TCEANC: variants seen among roughly 807,000 people sequenced by gnomAD.
TCEANC encodes transcription elongation factor A N-terminal and central domain containing.
Under a neutral mutation model 8.7 loss-of-function variants are expected in TCEANC, and 8 were observed. The observed-to-expected ratio is 0.92, with a 90% CI of 0.54 to 1.65. The LOEUF (loss-of-function observed/expected upper bound fraction) is 1.65. Ranked by LOEUF, TCEANC falls within the 40% of genes most tolerant of loss-of-function variation. The pLI is 0.00. For missense variants in TCEANC, 255 were observed against 251.9 expected, an observed-to-expected ratio of 1.01 and a Z score of -0.08; for synonymous variants, 78 against 92.9, an observed-to-expected ratio of 0.84 and a Z score of 0.92.
exon 2 of TCEANC, chrX:13,665,338 TG>T (rs1459931517): frequency 1.6e-5 from 2 of 123,891 alleles, no homozygotes; most frequent in African/African-American, 6.5e-5. Context: ...TGTGTGTATG[TG>T]TGTAGTTTTT....
At chrX:13,659,882 C>T (rs1485915197) in intron 1 of TCEANC, 114 bp downstream of exon 3, 1 of 112,065 alleles carries the variant, frequency 8.9e-6, no homozygotes, top group Non-Finnish European at 1.9e-5. Flanking sequence ...ACCTTGGCCT[C>T]CCAAAGTGCT....
chrX:13,657,245 T>G (rs898854144), intron 1 of TCEANC, among the ~76,000 whole-genome samples: 10 of 112,014 alleles, frequency 8.9e-5, no homozygotes, highest in Non-Finnish European at 1.9e-4. Flanking sequence ...AAACGAGAGA[T>G]GTGGAGACCG....
Position 13,657,292 on chromosome X carries a change from G to A in TCEANC, c.-9+1919G>A, listed in dbSNP as rs370216695. Among the ~76,000 whole-genome samples, 9 of 111,982 alleles carry A rather than the reference G, an allele frequency of 8.0e-5. No individual in the cohort carries two copies. In the East Asian group the frequency reaches 1.1e-3, roughly 14 times the overall value. ...ATTTTCTTCAAACTTAGGAGAAACT[G>A]GAAGGCCCCAAATAGGAGAATGATT... is the stretch of plus-strand genomic sequence containing the variant. On this transcript the variant is annotated intron_variant, in intron 1 of 1. Coordinates refer to ENST00000380600, the Ensembl canonical transcript of TCEANC.
chrX:13,663,925 A>G (rs2045993568), exon 2 of TCEANC: 1 of 151,902 alleles, frequency 6.6e-6, no homozygotes, highest in Admixed American at 8.6e-5. Context: ...GGATAGTTTG[A>G]GAAGTGCTAC....
chrX:13,656,053 C>T (rs775386373), intron 1 of TCEANC, among the ~76,000 whole-genome samples: 1 of 112,728 alleles, frequency 8.9e-6, no homozygotes, highest in Non-Finnish European at 1.9e-5. Flanking sequence ...GTGCCAGACT[C>T]ACAGTTGGGC....
chrX:13,662,792 T>C, exon 2 of TCEANC: 2 of 1,211,188 alleles, frequency 1.7e-6, no homozygotes, highest in African/African-American at 3.5e-5. Flanking sequence ...TTATTTCCTG[T>C]GAGGGGTAAT....
At chrX:13,654,821 G>A (rs2045911400), upstream of TCEANC, among the ~76,000 whole-genome samples, 1 of 93,685 alleles carries the variant, frequency 1.1e-5, no homozygotes, top group African/African-American at 3.8e-5. Context: ...CCCACAGTGG[G>A]CACCATGGTT....
upstream of TCEANC, among the ~76,000 whole-genome samples, chrX:13,654,940 G>A (rs907885590): frequency 6.3e-5 from 7 of 110,786 alleles, no homozygotes; most frequent in South Asian, 3.7e-4. Flanking sequence ...GGTCTCCTAC[G>A]AAAGAAGCCA....
upstream of TCEANC, among the ~76,000 whole-genome samples, chrX:13,654,808 T>C (rs747883217): frequency 1.9e-5 from 2 of 105,971 alleles, no homozygotes; most frequent in East Asian, 6.1e-4. Context: ...CCCACTTCAT[T>C]AGCCCACAGT....
At chrX:13,662,301 CGTA>C (rs1733189132) in intron 1 of TCEANC, among the ~76,000 whole-genome samples, 197 bp from the exon 5 acceptor site, 1 of 112,030 alleles carries the variant, frequency 8.9e-6, no homozygotes, top group African/African-American at 3.2e-5. Context: ...GTTTTTCACT[CGTA>C]GGAATTAAAC....
chrX:13,653,853 C>T (rs1177511616), upstream of TCEANC, among the ~76,000 whole-genome samples: 1 of 111,808 alleles, frequency 8.9e-6, no homozygotes, highest in Non-Finnish European at 1.9e-5. Flanking sequence ...ATAATATTAG[C>T]TAATCTTTAT....
chrX:13,659,030 T>G (rs139692514), intron 1 of TCEANC, among the ~76,000 whole-genome samples: 4,424 of 112,146 alleles, frequency 0.039, 206 homozygotes, highest in African/African-American at 0.14. Flanking sequence ...AGAATCAAAC[T>G]CTTAATAAAC....
At chrX:13,659,009 A>T (rs778989279) in intron 1 of TCEANC, among the ~76,000 whole-genome samples, 67 of 112,569 alleles carry the variant, frequency 6.0e-4, no homozygotes, top group African/African-American at 2.1e-3. Context: ...ACAGTAAAAG[A>T]GGTCTTCCTA....
chrX:13,661,065 C>T (rs1323662875), intron 1 of TCEANC, among the ~76,000 whole-genome samples: 3 of 111,598 alleles, frequency 2.7e-5, no homozygotes, highest in Middle Eastern at 4.6e-3. Context: ...AGGATGGTCT[C>T]GATCTCCTGA....
chrX:13,661,476 T>C (rs1308065790), intron 1 of TCEANC, among the ~76,000 whole-genome samples: 1 of 112,388 alleles, frequency 8.9e-6, no homozygotes, highest in East Asian at 2.8e-4. Context: ...GTGAATTCTC[T>C]CTCTAAACAC....
chrX:13,656,792 A>G (rs770408718), intron 1 of TCEANC, among the ~76,000 whole-genome samples: 1 of 113,054 alleles, frequency 8.8e-6, no homozygotes, highest in South Asian at 3.6e-4. Flanking sequence ...GTTCTGACAC[A>G]TGCTACAACA....
At chrX:13,663,621 C>A in exon 2 of TCEANC, 1 of 989,781 alleles carries the variant, frequency 1.0e-6, no homozygotes, top group Non-Finnish European at 1.3e-6. Context: ...ATTTGTACAA[C>A]CCTTTTGTGC....
chrX:13,660,688 T>A (rs941281757), intron 1 of TCEANC, among the ~76,000 whole-genome samples: 1 of 112,694 alleles, frequency 8.9e-6, no homozygotes, highest in African/African-American at 3.2e-5. Context: ...ACATTTTATT[T>A]ATCCATTCAT....
chrX:13,653,844 T>C (rs1424264084), upstream of TCEANC, among the ~76,000 whole-genome samples: 1 of 112,122 alleles, frequency 8.9e-6, no homozygotes, highest in East Asian at 2.8e-4. Flanking sequence ...TTGCTTACTA[T>C]AATATTAGCT....
Sources: allele counts gnomAD v4.1 joint callset (sites outside exome capture counted in the v4.1 genomes callset), GRCh38; gene constraint gnomAD v4.1.1; transcripts MANE v1.5; gene names NCBI Gene and HGNC (gene_info 2026-07-23, HGNC 2026-07-21).